The following SPATA16 variants were observed in gnomAD, a reference collection of about 807,000 sequenced individuals.
The protein encoded by SPATA16 is spermatogenesis associated 16.
In SPATA16, 36 loss-of-function variants were observed where a neutral mutation model predicts 63.3. The observed-to-expected ratio is 0.57, with a 90% confidence interval of 0.44 to 0.75. The LOEUF (loss-of-function observed/expected upper bound fraction) is 0.75, where lower values mean the gene tolerates loss of function less well. Among genes scored for constraint, SPATA16 ranks in the 30% least tolerant of loss-of-function variants. The pLI is 0.00. For synonymous variants in SPATA16, 203 were observed against 216.7 expected (o/e 0.94, Z 0.56); for missense variants, 646 against 679.3 (o/e 0.95, Z 0.54).
Position 173,018,284 on chromosome 3 carries a change from T to C in SPATA16, c.848+1202A>G, listed in dbSNP as rs140766250. On this transcript the variant is annotated intron_variant, in intron 4 of 10. Transcript: ENST00000351008. ...ACCTCACAATGTCAATTTTTTTTTT[T>C]TTTTTTTGAGATGGAGTTTCGCTCT... Among the ~76,000 whole-genome samples the C allele has an allele frequency of 4.7e-3, 714 of 151,914 alleles. 3 individuals carry two copies. The highest frequency in any genetic ancestry group is 8.8e-3 in the Non-Finnish European group (597 of 67,940).
Position 172,925,478 on chromosome 3 carries a change from G to A in SPATA16, c.1096C>T (p.His366Tyr), listed in dbSNP as rs1227985662. The change falls in exon 7 of 11, where the codon CAC becomes TAC. Residue 366 changes from histidine (H) to tyrosine (Y), a missense_variant. Transcript: ENST00000351008. Reference protein sequence around the residue: ...EYMYTDLQALHMLPQTVDWSS... With the variant: ...EYMYTDLQALYMLPQTVDWSS... ...CAGTCAACTGTCTGAGGCAACATGTGGAGTGCTTGAAGATCTGAAATATGA... is the reference window on the plus strand; with the variant it reads ...CAGTCAACTGTCTGAGGCAACATGTAGAGTGCTTGAAGATCTGAAATATGA... 1.2e-6 allele frequency: 2 copies of A among 1,613,958 alleles called. No homozygotes were observed. The highest frequency in any genetic ancestry group is 3.3e-5 in the Admixed American group (2 of 60,012).
intron 2 of SPATA16, among the ~76,000 whole-genome samples, chr3:173,076,564 T>C (rs1455431304): frequency 6.6e-6 from 1 of 152,094 alleles, no homozygotes; most frequent in Admixed American, 6.5e-5. Flanking sequence ...CCTAAAATTT[T>C]TATTGAATGC....
intron 1 of SPATA16, among the ~76,000 whole-genome samples, chr3:173,127,890 C>T (rs1331015907): frequency 2.6e-5 from 4 of 152,256 alleles, no homozygotes; most frequent in Non-Finnish European, 4.4e-5. Flanking sequence ...CTCAATTTAG[C>T]ATCCACTGAT....
intron 2 of SPATA16, among the ~76,000 whole-genome samples, chr3:173,055,950 T>G (rs1180281178): frequency 3.3e-5 from 5 of 152,236 alleles, no homozygotes; most frequent in African/African-American, 1.2e-4. Flanking sequence ...GTATTTAATT[T>G]TATTCCTTCC....
At chr3:172,960,907 TCCC>T (rs1733742784) in intron 5 of SPATA16, among the ~76,000 whole-genome samples, 63 of 149,380 alleles carry the variant, frequency 4.2e-4, no homozygotes, top group South Asian at 4.2e-4. Flanking sequence ...CCTTCCTTCC[TCCC>T]TCCCTCCCTT....
intron 3 of SPATA16, among the ~76,000 whole-genome samples, chr3:173,048,412 G>A (rs1412176675): frequency 6.6e-6 from 1 of 151,972 alleles, no homozygotes. Flanking sequence ...AAGTCATATA[G>A]TGACACACAG....
intron 6 of SPATA16, among the ~76,000 whole-genome samples, chr3:172,954,531 GTTACTT>G (rs1308396847): frequency 2.0e-5 from 3 of 152,162 alleles, no homozygotes; most frequent in Admixed American, 6.5e-5. Flanking sequence ...CTGTCTTTAT[GTTACTT>G]ACTTCTTAGC....
In SPATA16 at chr3:172,931,354, C is replaced by T. The variant is rs540687166; in HGVS notation, c.1082-5862G>A. ...CTTCAGGGCTCAGGCAATCCTCCTG[C>T]CTCAGACTCCAGAGAAGTTGAGACT... On this transcript the variant is annotated intron_variant, in intron 6 of 10. Coordinates refer to ENST00000351008, the MANE Select transcript of SPATA16 (RefSeq NM_031955.6). Among the ~76,000 whole-genome samples, 5 of 152,312 alleles carry T rather than the reference C, an allele frequency of 3.3e-5. No homozygotes were observed. The South Asian group carries it at 1.0e-3, about 32-fold the overall frequency.
At chr3:173,065,291 C>G (rs541566390) in intron 2 of SPATA16, among the ~76,000 whole-genome samples, 1 of 151,786 alleles carries the variant, frequency 6.6e-6, no homozygotes, top group African/African-American at 2.4e-5. Flanking sequence ...TCTTGAGGAC[C>G]TATAGTTTTG....
chr3:172,890,859 A>G (rs1467921587), intron 10 of SPATA16, among the ~76,000 whole-genome samples: 1 of 151,110 alleles, frequency 6.6e-6, no homozygotes, highest in Non-Finnish European at 1.5e-5. Context: ...ATTGTTTTTT[A>G]TGATGTCTGA....
At chr3:173,054,454 A>G (rs1418909406) in intron 2 of SPATA16, among the ~76,000 whole-genome samples, 1 of 152,368 alleles carries the variant, frequency 6.6e-6, no homozygotes, top group East Asian at 1.9e-4. Flanking sequence ...CTATGCAACC[A>G]TAAAAAGGAA....
intron 2 of SPATA16, among the ~76,000 whole-genome samples, chr3:173,063,751 T>G (rs940894090): frequency 6.6e-6 from 1 of 152,212 alleles, no homozygotes; most frequent in Non-Finnish European, 1.5e-5. Flanking sequence ...TGCTTAAATG[T>G]AAGTGGGGAA....
chr3:173,031,009 T>C (rs1301362203), intron 3 of SPATA16, among the ~76,000 whole-genome samples: 7 of 152,044 alleles, frequency 4.6e-5, no homozygotes, highest in African/African-American at 1.4e-4. Flanking sequence ...TCCATTTTCA[T>C]TGATGTACCT....
chr3:173,038,669 A>G (rs999906529), intron 3 of SPATA16, among the ~76,000 whole-genome samples: 3 of 152,086 alleles, frequency 2.0e-5, no homozygotes, highest in Admixed American at 2.0e-4. Context: ...CTCCTTGTTG[A>G]TAAGCATTAA....
chr3:173,042,108 A>G (rs563634419), intron 3 of SPATA16, among the ~76,000 whole-genome samples: 1 of 152,302 alleles, frequency 6.6e-6, no homozygotes, highest in East Asian at 1.9e-4. Flanking sequence ...CTTTGATCAT[A>G]ATTATCCACG....
intron 2 of SPATA16, among the ~76,000 whole-genome samples, chr3:173,107,639 A>G (rs780069580): frequency 6.6e-6 from 1 of 152,142 alleles, no homozygotes; most frequent in East Asian, 1.9e-4. Context: ...GATAACCTGA[A>G]TTGAAAAAGC....
chr3:173,070,000 T>G (rs1252314397), intron 2 of SPATA16, among the ~76,000 whole-genome samples: 1 of 151,314 alleles, frequency 6.6e-6, no homozygotes, highest in African/African-American at 2.4e-5. Flanking sequence ...CTGAACTTGA[T>G]AAAAGCCATT....
chr3:172,898,648 C>A (rs1026416697), intron 10 of SPATA16, among the ~76,000 whole-genome samples: 16 of 151,106 alleles, frequency 1.1e-4, no homozygotes, highest in Non-Finnish European at 2.2e-4. Flanking sequence ...ATTTTACTAA[C>A]CTGTTCAAAG....
chr3:172,938,833 A>ACCCCCCCCCCCCCCCC (rs1201577106), intron 6 of SPATA16, among the ~76,000 whole-genome samples: 1 of 29,834 alleles, frequency 3.4e-5, no homozygotes, highest in Non-Finnish European at 6.5e-5. Context: ...AGACCCCCCC[A>ACCCCCCCCCCCCCCCC]CCCCCCCGCA....
Sources: allele counts gnomAD v4.1 joint callset (sites outside exome capture counted in the v4.1 genomes callset), GRCh38; gene constraint gnomAD v4.1.1; transcripts MANE v1.5; gene names NCBI Gene and HGNC (gene_info 2026-07-23, HGNC 2026-07-21).